Variants in DPPA2 observed in about 807,000 individuals in gnomAD.
DPPA2 encodes developmental pluripotency-associated protein 2.
DPPA2 carries 26 observed loss-of-function variants against 36.2 expected under a neutral mutation model. That is an observed-to-expected ratio of 0.72 (90% CI 0.53 to 1.00). DPPA2 has a LOEUF of 1.00. DPPA2 is among the 50% of genes least tolerant of loss of function. The probability of loss-of-function intolerance (pLI) is 0.00; values close to 1 mark genes in which losing one functional copy is unlikely to be tolerated. For missense variants in DPPA2, 361 were observed against 365.1 expected (o/e 0.99, Z 0.09); for synonymous variants, 113 against 123.2 (o/e 0.92, Z 0.55).
chr3:109,312,031 T>A (rs1707719816), intron 3 of DPPA2, among the ~76,000 whole-genome samples: 1 of 152,214 alleles, frequency 6.6e-6, no homozygotes, highest in Non-Finnish European at 1.5e-5. Context: ...TCCCCATGCT[T>A]ATTTTGTGTC....
chr3:109,301,177 CTA>C (rs1259293601), intron 7 of DPPA2, among the ~76,000 whole-genome samples: 7 of 151,666 alleles, frequency 4.6e-5, no homozygotes, highest in African/African-American at 1.7e-4. Context: ...CAGGGTTTCA[CTA>C]TGTTTCTCAG....
At chr3:109,314,457 A>T in intron 2 of DPPA2, 53 bp downstream of exon 2, 1 of 1,588,690 alleles carries the variant, frequency 6.3e-7, no homozygotes, top group Non-Finnish European at 8.6e-7. Flanking sequence ...GAGACCTAGA[A>T]AGACTCTGAA....
rs183445258 is a variant in DPPA2 at position 109,307,286 on chromosome 3, C to A, written c.658+746G>T. Among the ~76,000 whole-genome samples the A allele has an allele frequency of 2.0e-5, 3 of 151,802 alleles. No homozygotes were observed. In the East Asian group the frequency reaches 5.9e-4, roughly 30 times the overall value. ...GCTCAGCCACTACTATTCTATGAAA[C>A]ATGTAAATCTTCATTTTATATAACA... is the stretch of plus-strand genomic sequence containing the variant. On this transcript the variant is annotated intron_variant, in intron 6 of 8. Coordinates refer to ENST00000478945, the MANE Select transcript of DPPA2 (RefSeq NM_138815.4).
At chr3:109,309,925 T>C (rs1707666906) in intron 3 of DPPA2, among the ~76,000 whole-genome samples, 1 of 150,842 alleles carries the variant, frequency 6.6e-6, no homozygotes, top group Non-Finnish European at 1.5e-5. Context: ...CTACTAAAAA[T>C]AGAAAAATTA....
intron 7 of DPPA2, among the ~76,000 whole-genome samples, chr3:109,300,771 G>A (rs1031740619): frequency 1.4e-5 from 2 of 143,234 alleles, no homozygotes; most frequent in African/African-American, 5.2e-5. Flanking sequence ...GCAGTGAGCC[G>A]AGACCAAGCC....
chr3:109,294,131 AT>A (rs1707311188), intron 8 of DPPA2, 127 bp from the exon 9 acceptor site: 1 of 152,218 alleles, frequency 6.6e-6, no homozygotes, highest in Admixed American at 6.5e-5. Context: ...GTAACTTTTA[AT>A]AGAGAAAGAA....
rs1308375503 is a variant in DPPA2, at chr3:109,309,243, G to A, written c.269C>T (p.Pro90Leu). ...GTCCCGACACACCTTATTAATGGGA[G>A]GCAAAATGGTCGGCAAGGGAAGGGC... ...IPALPLPTIL[P>L]PINKVCRDTL... Residue 90 changes from proline to leucine, a missense_variant, in exon 4 of 9, where the codon CCT becomes CTT. Physicochemically the swap from Pro to Leu is moderately conservative, Grantham distance 98. Coordinates refer to ENST00000478945, the MANE Select transcript of DPPA2 (RefSeq NM_138815.4). 64 of 1,614,048 alleles carry A rather than the reference G, an allele frequency of 4.0e-5. No individual in the cohort carries two copies. The highest frequency in any genetic ancestry group is 5.3e-5 in the Non-Finnish European group (63 of 1,180,032).
chr3:109,298,630 C>T (rs551521058), intron 8 of DPPA2, among the ~76,000 whole-genome samples: 4 of 150,714 alleles, frequency 2.7e-5, no homozygotes, highest in South Asian at 2.1e-4. Context: ...GCAGGAGAAT[C>T]GCTTGAACCT....
Position 109,304,602 on chromosome 3 carries a change from A to G in DPPA2, c.727T>C (p.Phe243Leu). The G allele has an allele frequency of 6.2e-7, 1 of 1,614,066 alleles. No individual in the cohort carries two copies. The highest frequency in any genetic ancestry group is 8.5e-7 in the Non-Finnish European group (1 of 1,180,014). ...GGCACCCAGGCCTGACCTGCATGAA[A>G]CTGCAGGCGTACCCAACCCTTTGTG... is the stretch of plus-strand genomic sequence containing the variant. ...ADTKGWVRLQ[F>L]HAGQAWVPTT... is the part of the protein sequence containing the mutation. The change falls in exon 7 of 9, where the codon TTT becomes CTT. Residue 243 changes from phenylalanine to leucine, a missense_variant. Transcript: ENST00000478945.
At chr3:109,308,613 C>T (rs1431570465) in intron 5 of DPPA2, among the ~76,000 whole-genome samples, 2 of 152,192 alleles carry the variant, frequency 1.3e-5, no homozygotes, top group Admixed American at 6.6e-5. Flanking sequence ...CCACCCGCCT[C>T]GGCCTCCCAA....
At chr3:109,297,795 C>T (rs1212945377) in intron 8 of DPPA2, among the ~76,000 whole-genome samples, 1 of 152,022 alleles carries the variant, frequency 6.6e-6, no homozygotes, top group African/African-American at 2.4e-5. Context: ...TAAGTATACA[C>T]AACATTCTGG....
Position 109,304,619 on chromosome 3 carries a change from C to A in DPPA2, c.710G>T (p.Gly237Val). ...TGCATGAAACTGCAGGCGTACCCAA[C>A]CCTTTGTGTCTGCCGAGAGAAGTCT... ...HGRLLSADTKGWVRLQFHAGQ... is the reference protein window; with the variant it reads ...HGRLLSADTKVWVRLQFHAGQ... Residue 237 changes from glycine (G) to valine (V), a missense_variant, in exon 7 of 9, where the codon GGT (glycine) becomes GTT (valine). Transcript: ENST00000478945. 3.1e-6 allele frequency: 5 copies of A among 1,613,380 alleles called. No homozygotes were observed. Among genetic ancestry groups the A allele is most frequent in the Non-Finnish European group, 4.2e-6 (5 of 1,179,786 alleles).
intron 8 of DPPA2, among the ~76,000 whole-genome samples, chr3:109,294,956 G>A (rs1707325333): frequency 6.6e-6 from 1 of 152,102 alleles, no homozygotes; most frequent in African/African-American, 2.4e-5. Flanking sequence ...AGGAGGTGGA[G>A]GTTGCTGTGA....
intron 7 of DPPA2, 37 bp from the exon 8 acceptor site, chr3:109,300,472 T>C: frequency 1.9e-6 from 3 of 1,594,872 alleles, no homozygotes; most frequent in Non-Finnish European, 2.6e-6. Flanking sequence ...GAAATATTGC[T>C]ACAGCAAGGT....
rs36123123 is a variant in DPPA2, at chr3:109,300,985, C to CTTT, written c.855-553_855-551dup. ...CCACATACTGCAATGGATCTCACAT[C>CTTT]TTTTTTTTTTTTTTTTAAGACAGGT... On this transcript the variant is annotated intron_variant, in intron 7 of 8. Transcript: ENST00000478945. Among the ~76,000 whole-genome samples, 4 of 139,208 alleles carry CTTT rather than the reference C, an allele frequency of 2.9e-5. 1 individual carries two copies. The highest frequency in any genetic ancestry group is 1.1e-4 in the African/African-American group (4 of 37,278). The allele number at this position is 139,208 out of a possible 152,430, so 91.3% of individuals were successfully genotyped here.
intron 8 of DPPA2, among the ~76,000 whole-genome samples, chr3:109,296,912 C>G (rs967704777): frequency 2.0e-5 from 3 of 151,896 alleles, no homozygotes. Flanking sequence ...CATGGCAAAA[C>G]CCCATCTCTA....
At chr3:109,306,817 T>A (rs1468241391) in intron 6 of DPPA2, among the ~76,000 whole-genome samples, 3 of 148,452 alleles carry the variant, frequency 2.0e-5, no homozygotes, top group African/African-American at 5.0e-5. Context: ...AAAAAAAAAA[T>A]ACAAAATTAG....
intron 8 of DPPA2, among the ~76,000 whole-genome samples, chr3:109,296,186 T>C (rs969703768): frequency 2.0e-5 from 3 of 151,976 alleles, no homozygotes; most frequent in Non-Finnish European, 4.4e-5. Flanking sequence ...AGCTCAGAGA[T>C]AGGAAGTAGG....
At chr3:109,310,499 T>A (rs1051714716) in intron 3 of DPPA2, among the ~76,000 whole-genome samples, 2 of 149,798 alleles carry the variant, frequency 1.3e-5, no homozygotes, top group African/African-American at 4.9e-5. Flanking sequence ...CAAACCTATG[T>A]AGGTTTTTTT....
Sources: allele counts gnomAD v4.1 joint callset (sites outside exome capture counted in the v4.1 genomes callset), GRCh38; gene constraint gnomAD v4.1.1; transcripts MANE v1.5; gene names NCBI Gene and HGNC (gene_info 2026-07-23, HGNC 2026-07-21).